SLC7A8: variants seen among roughly 807,000 people sequenced by gnomAD.
The protein encoded by SLC7A8 is solute carrier family 7 member 8, also known as large neutral amino acids transporter small subunit 2.
Under a neutral mutation model 51.2 loss-of-function variants are expected in SLC7A8, and 30 were observed. The observed-to-expected ratio is 0.59, with a 90% confidence interval of 0.44 to 0.80. The LOEUF is 0.80. Ranked by LOEUF, SLC7A8 falls within the 30% of genes least tolerant of loss-of-function variation. SLC7A8 has a pLI of 0.00. For synonymous variants in SLC7A8, 257 were observed against 275.8 expected (o/e 0.93, Z 0.67); for missense variants, 612 against 674.4 (o/e 0.91, Z 1.03).
rs2048603209 is a variant in SLC7A8, at chr14:23,128,638, T to G, written c.1264-442A>C. ...AGGAGACGATTCGAGTCACTCAGGC[T>G]CCCTGGTCCTTGCCCACTTCTGTGC... is the stretch of plus-strand genomic sequence containing the variant. On this transcript the variant is annotated intron_variant, in intron 9 of 10. Transcript: ENST00000316902. This position sits in a 1 kb window ranked among gnomAD's most constrained non-coding sequence, Gnocchi z 4.3. Among the ~76,000 whole-genome samples the G allele has an allele frequency of 2.6e-5, 4 of 152,188 alleles. 1 individual carries two copies. Among genetic ancestry groups the G allele is most frequent in the Admixed American group, 2.6e-4 (4 of 15,284 alleles).
At chr14:23,140,761 T>C in intron 4 of SLC7A8, 137 bp from the exon 5 acceptor site, 1 of 817,118 alleles carries the variant, frequency 1.2e-6, no homozygotes, top group Non-Finnish European at 1.9e-6. Flanking sequence ...GAACCCAACA[T>C]ATTGGATAAA....
chr14:23,181,453 G>T lies in SLC7A8; in HGVS notation c.151+1311C>A, dbSNP rs573537053. On this transcript the variant is annotated intron_variant, in intron 1 of 10. Transcript: ENST00000316902. ...GGGTGTAGGAGGAGTTGGTGGGGGTGGGGGGGGGATGGGATTTCATTTTAG... is the reference window on the plus strand; with the variant it reads ...GGGTGTAGGAGGAGTTGGTGGGGGTTGGGGGGGGATGGGATTTCATTTTAG... Among the ~76,000 whole-genome samples, 27 of 82,036 alleles carry T rather than the reference G, an allele frequency of 3.3e-4. No individual in the cohort carries two copies. In the East Asian group the frequency reaches 4.5e-3, roughly 14 times the overall value. 53.8% of individuals were successfully genotyped at this position (82,036 alleles called of 152,430 possible). A position where few individuals can be genotyped will look rare whatever the true frequency, so the allele number is the denominator to read the frequency against.
chr14:23,128,352 G>C lies in SLC7A8; in HGVS notation c.1264-156C>G. On this transcript the variant is annotated intron_variant, in intron 9 of 10. Coordinates refer to ENST00000316902, the MANE Select transcript of SLC7A8 (RefSeq NM_012244.4). The surrounding 1 kb of genome is among the most constrained non-coding windows in gnomAD (Gnocchi z 4.3). ...GCTCTGTGGTCCCACACTCACCCCT[G>C]GTAGGGCAGGGGCTATATAAACAAA... is the stretch of plus-strand genomic sequence containing the variant. 6.5e-7 allele frequency: 1 copy of C among 1,537,956 alleles called. No individual in the cohort carries two copies. The highest frequency in any genetic ancestry group is 8.7e-7 in the Non-Finnish European group (1 of 1,146,240).
At chr14:23,137,731 C>T (rs965612493) in intron 7 of SLC7A8, among the ~76,000 whole-genome samples, 190 bp downstream of exon 7, 3 of 152,136 alleles carry the variant, frequency 2.0e-5, no homozygotes, top group Admixed American at 6.5e-5. Context: ...CAGGTGACCA[C>T]GTGAGCAGCA....
Position 23,137,934 on chromosome 14 carries a change from A to G in SLC7A8, c.1003T>C (p.Phe335Leu). Residue 335 changes from phenylalanine to leucine, a missense_variant, in exon 7 of 11, where the codon TTC becomes CTC. Transcript: ENST00000316902. Reference protein sequence around the residue: ...STFGGVNGSLFTSSRLFFAGA... With the variant: ...STFGGVNGSLLTSSRLFFAGA... ...GGCAGCACTCACCGAGAGGAGGTGA[A>G]GAGAGACCCATTAACTCCTCCAAAT... 1 of 1,613,896 alleles carries G rather than the reference A, an allele frequency of 6.2e-7. No homozygotes were observed. The highest frequency in any genetic ancestry group is 8.5e-7 in the Non-Finnish European group (1 of 1,179,968).
rs774630202 is a variant in SLC7A8 at position 23,139,483 on chromosome 14, C to T, written c.853G>A (p.Val285Ile). 6.2e-7 allele frequency: 1 copy of T among 1,614,146 alleles called. No individual in the cohort carries two copies. The change falls in exon 6 of 11, where the codon GTC (valine) becomes ATC (isoleucine). Residue 285 changes from valine (V) to isoleucine (I), a missense_variant. Coordinates refer to ENST00000316902, the MANE Select transcript of SLC7A8 (RefSeq NM_012244.4). ...LVTFVYVFAN[V>I]AYVTAMSPQE... ...GGGGACATTGCAGTGACATAAGCGA[C>T]ATTGGCAAAGACATACACAAATGTG...
rs747876678 is a variant in SLC7A8, at chr14:23,148,378, G to A, written c.509-5174C>T. 5.3e-5 allele frequency among the ~76,000 whole-genome samples: 8 copies of A among 152,156 alleles called. No homozygotes were observed. In the South Asian group the frequency reaches 6.2e-4, roughly 12 times the overall value. ...CAAGTAGCTGGGATTACAGGTGTCC[G>A]CCACCACGCCTGGCTAATTTTTGTA... On this transcript the variant is annotated intron_variant, in intron 3 of 10. Transcript: ENST00000316902.
At chr14:23,160,702 G>T (rs1594836069) in intron 3 of SLC7A8, among the ~76,000 whole-genome samples, 1 of 152,166 alleles carries the variant, frequency 6.6e-6, no homozygotes, top group Non-Finnish European at 1.5e-5. Flanking sequence ...CTGGCCAGCG[G>T]CTGATGATAA....
At chr14:23,134,586 C>G (rs1039476834) in intron 7 of SLC7A8, among the ~76,000 whole-genome samples, 2 of 151,438 alleles carry the variant, frequency 1.3e-5, no homozygotes, top group African/African-American at 2.4e-5. Context: ...GAGATGGGGT[C>G]TTGCTCTGTC....
chr14:23,143,782 T>G (rs1268030025), intron 3 of SLC7A8, among the ~76,000 whole-genome samples: 1 of 152,254 alleles, frequency 6.6e-6, no homozygotes, highest in African/African-American at 2.4e-5. Flanking sequence ...AGTTTCCTTT[T>G]GCATCATGCT....
At chr14:23,140,388 C>T in intron 5 of SLC7A8, 83 bp downstream of exon 5, 1 of 1,398,300 alleles carries the variant, frequency 7.2e-7, no homozygotes, top group South Asian at 1.4e-5. Flanking sequence ...GCGAGGTGGG[C>T]AATGGACACC....
intron 3 of SLC7A8, among the ~76,000 whole-genome samples, chr14:23,147,726 T>C (rs904787641): frequency 1.3e-5 from 2 of 152,136 alleles, no homozygotes; most frequent in Non-Finnish European, 2.9e-5. Context: ...AGACAAGAGT[T>C]CAAGAAGATG....
chr14:23,142,788 C>G (rs2048757223), intron 4 of SLC7A8, among the ~76,000 whole-genome samples: 1 of 152,196 alleles, frequency 6.6e-6, no homozygotes, highest in African/African-American at 2.4e-5. Flanking sequence ...AGGTGTGAGC[C>G]ACCACACTCG....
chr14:23,155,793 T>G (rs927320690), intron 3 of SLC7A8, among the ~76,000 whole-genome samples: 20 of 151,828 alleles, frequency 1.3e-4, no homozygotes, highest in Admixed American at 1.3e-3. Flanking sequence ...AGCCTGACCC[T>G]CCATCATATT....
At chr14:23,164,142 T>C (rs1594837470) in intron 3 of SLC7A8, among the ~76,000 whole-genome samples, 1 of 152,088 alleles carries the variant, frequency 6.6e-6, no homozygotes, top group East Asian at 1.9e-4. Context: ...CTAGCTCCCT[T>C]CTCTGAATTT....
chr14:23,158,502 C>T (rs531314601), intron 3 of SLC7A8, among the ~76,000 whole-genome samples: 7 of 152,158 alleles, frequency 4.6e-5, no homozygotes, highest in African/African-American at 1.2e-4. Flanking sequence ...CCCGCCACCA[C>T]GCCCAGCTAA....
Position 23,155,235 on chromosome 14 carries a change from C to G in SLC7A8, c.508+10050G>C, listed in dbSNP as rs114310809. 14 of 1,536,018 alleles carry G rather than the reference C, an allele frequency of 9.1e-6. No individual in the cohort carries two copies. In the African/African-American group the frequency reaches 9.6e-5, roughly 11 times the overall value. On this transcript the variant is annotated intron_variant, in intron 3 of 10. Coordinates refer to ENST00000316902, the MANE Select transcript of SLC7A8 (RefSeq NM_012244.4). Reference sequence around the variant, plus strand: ...CTCTGAGCCTTCCGGAAGGGCCTCTCTCTTCCAAGGACACACCAGCAGAGG... The same window carrying G: ...CTCTGAGCCTTCCGGAAGGGCCTCTGTCTTCCAAGGACACACCAGCAGAGG...
At position 23,128,231 on chromosome 14, in the gene SLC7A8, T is replaced by C. The variant is rs771660082; in HGVS notation, c.1264-35A>G. ...AGAGGCATGAGGCGTATGAACTGTG[T>C]AGGCCACGTGGCCCCCAGGACTAGG... On this transcript the variant is annotated intron_variant, in intron 9 of 10. Coordinates refer to ENST00000316902, the MANE Select transcript of SLC7A8 (RefSeq NM_012244.4). This position sits in a 1 kb window ranked among gnomAD's most constrained non-coding sequence, Gnocchi z 4.3. 1.2e-6 allele frequency: 2 copies of C among 1,612,236 alleles called. No homozygotes were observed. The highest frequency in any genetic ancestry group is 3.3e-5 in the Admixed American group (2 of 59,790).
chr14:23,182,622 A>C, intron 1 of SLC7A8, 142 bp downstream of exon 1: 4 of 810,490 alleles, frequency 4.9e-6, no homozygotes, highest in Non-Finnish European at 7.3e-6. Flanking sequence ...AAACTTGACC[A>C]GTGGAGGTGA....
Sources: allele counts gnomAD v4.1 joint callset (sites outside exome capture counted in the v4.1 genomes callset), GRCh38; gene constraint gnomAD v4.1.1; non-coding constraint Gnocchi (gnomAD v3.1); transcripts MANE v1.5; gene names NCBI Gene and HGNC (gene_info 2026-07-23, HGNC 2026-07-21).